Variants in VPS13B observed in about 807,000 individuals in gnomAD.
VPS13B encodes vacuolar protein sorting 13 homolog B.
In VPS13B, 285 loss-of-function variants were observed where a neutral mutation model predicts 426.4. The ratio of observed to expected loss-of-function variants is 0.67; its 90% confidence interval spans 0.61 to 0.74. VPS13B has a LOEUF of 0.74. VPS13B is among the 30% of genes least tolerant of loss of function. VPS13B has a pLI of 0.00. For missense variants in VPS13B, 4,537 were observed against 4,782.6 expected (o/e 0.95, Z 1.51); for synonymous variants, 1,676 against 1,676.4 (o/e 1.00, Z 0.01).
intron 59 of VPS13B, among the ~76,000 whole-genome samples, chr8:99,870,328 A>AT (rs1563519286): frequency 1.3e-5 from 2 of 151,828 alleles, no homozygotes; most frequent in Non-Finnish European, 2.9e-5. Context: ...ACCACTATTT[A>AT]TTTTTTGTAG....
At chr8:99,243,097 T>C (rs922065654) in intron 17 of VPS13B, among the ~76,000 whole-genome samples, 1 of 152,206 alleles carries the variant, frequency 6.6e-6, no homozygotes, top group Admixed American at 6.5e-5. Flanking sequence ...TTTTATATAA[T>C]GAGACAGGAA....
chr8:99,332,791 CT>C (rs970303459), intron 19 of VPS13B, among the ~76,000 whole-genome samples: 18 of 151,720 alleles, frequency 1.2e-4, no homozygotes, highest in Admixed American at 3.3e-4. Flanking sequence ...TCTAATAACA[CT>C]TTTTTGTCCA....
intron 40 of VPS13B, 105 bp downstream of exon 40, chr8:99,767,075 C>A: frequency 1.8e-6 from 2 of 1,111,696 alleles, no homozygotes; most frequent in South Asian, 1.3e-5. Flanking sequence ...AGCTGTCTAG[C>A]AGCTGCATCT....
chr8:99,236,081 A>G (rs981133064), intron 17 of VPS13B, among the ~76,000 whole-genome samples: 5 of 152,198 alleles, frequency 3.3e-5, no homozygotes, highest in Non-Finnish European at 4.4e-5. Flanking sequence ...CATCTCACTC[A>G]TGGTATACCA....
chr8:99,534,274 T>A (rs1823077149), intron 30 of VPS13B, among the ~76,000 whole-genome samples: 1 of 152,180 alleles, frequency 6.6e-6, no homozygotes, highest in African/African-American at 2.4e-5. Context: ...ATGAATATGG[T>A]TTCTATTTAC....
chr8:99,289,157 C>T (rs886598049), intron 19 of VPS13B, among the ~76,000 whole-genome samples: 15 of 151,796 alleles, frequency 9.9e-5, no homozygotes, highest in African/African-American at 2.2e-4. Flanking sequence ...GTTAAACCTT[C>T]GATAAAGTTG....
At chr8:99,226,993 A>G (rs1220059404) in intron 17 of VPS13B, among the ~76,000 whole-genome samples, 1 of 152,134 alleles carries the variant, frequency 6.6e-6, no homozygotes, top group Non-Finnish European at 1.5e-5. Context: ...CTTCTGTCTA[A>G]CTGTATGTTT....
chr8:99,238,738 T>A (rs1816766295), intron 17 of VPS13B, among the ~76,000 whole-genome samples: 1 of 152,146 alleles, frequency 6.6e-6, no homozygotes, highest in Admixed American at 6.5e-5. Context: ...TAGCATTACG[T>A]GCAAAACATG....
chr8:99,054,917 C>G lies in VPS13B; in HGVS notation c.291+16351C>G, dbSNP rs533861365. Among the ~76,000 whole-genome samples, 3 of 152,158 alleles carry G rather than the reference C, an allele frequency of 2.0e-5. No homozygotes were observed. In the East Asian group the frequency reaches 5.8e-4, roughly 29 times the overall value. The stretch of plus-strand genomic sequence containing the variant: ...GCTGGCCATAGGGTTTATTTCTGGA[C>G]TCAGCATTTTATTCCATTGGTTTGT... On this transcript the variant is annotated intron_variant, in intron 3 of 61. Transcript: ENST00000357162.
chr8:99,874,270 A>T (rs1041608822), intron 61 of VPS13B, among the ~76,000 whole-genome samples: 3 of 152,224 alleles, frequency 2.0e-5, no homozygotes, highest in African/African-American at 7.2e-5. Flanking sequence ...TTCTGGCCCC[A>T]TCAAATGATA....
chr8:99,746,563 C>T (rs1308825370), intron 39 of VPS13B, among the ~76,000 whole-genome samples: 1 of 152,144 alleles, frequency 6.6e-6, no homozygotes, highest in South Asian at 2.1e-4. Flanking sequence ...GTGCTTTGCT[C>T]TTCCCAAATC....
At chr8:99,462,129 T>G (rs1818870555) in intron 23 of VPS13B, among the ~76,000 whole-genome samples, 1 of 149,186 alleles carries the variant, frequency 6.7e-6, no homozygotes, top group Non-Finnish European at 1.5e-5. Context: ...CCAACTTCCT[T>G]CCTTCCTTTC....
intron 39 of VPS13B, among the ~76,000 whole-genome samples, chr8:99,740,894 GCT>G (rs1809682351): frequency 6.6e-6 from 1 of 152,072 alleles, no homozygotes; most frequent in Non-Finnish European, 1.5e-5. Flanking sequence ...GACCATCGAG[GCT>G]AGGAAGAAAC....
intron 8 of VPS13B, among the ~76,000 whole-genome samples, chr8:99,129,684 A>G (rs1337221432): frequency 1.3e-5 from 2 of 152,130 alleles, no homozygotes; most frequent in Non-Finnish European, 2.9e-5. Context: ...AGGGAAGTCA[A>G]GGATTACAAG....
rs757132990 is a variant in VPS13B at position 99,817,590 on chromosome 8, A to G, written c.8148A>G (p.Ile2716Met). The change falls in exon 45 of 62, where the codon ATA (isoleucine) becomes ATG (methionine). Residue 2716 changes from isoleucine to methionine, a missense_variant. Physicochemically the swap from Ile to Met is conservative, Grantham distance 10 (BLOSUM62 1). Around this residue, in one of 2 missense-constraint regions of VPS13B, gnomAD observed 4,311 missense variants for 4,474.3 expected, o/e 0.96. Transcript: ENST00000357162. ...QIICSYLSQSIELKVVQHYIG... is the reference protein window; with the variant it reads ...QIICSYLSQSMELKVVQHYIG... The stretch of plus-strand genomic sequence containing the variant: ...TCTGTAGTTACTTGTCTCAAAGCAT[A>G]GAACTAAAAGTCGTTCAGCATTACA... 18 of 1,614,088 alleles carry G rather than the reference A, an allele frequency of 1.1e-5. No homozygotes were observed. In the South Asian group the frequency reaches 2.0e-4, roughly 18 times the overall value.
At chr8:99,746,221 T>G (rs1810079249) in intron 39 of VPS13B, among the ~76,000 whole-genome samples, 1 of 152,082 alleles carries the variant, frequency 6.6e-6, no homozygotes, top group Admixed American at 6.6e-5. Context: ...TGAACTGGAT[T>G]TTTTGGAAAG....
intron 54 of VPS13B, 80 bp from the exon 55 acceptor site, chr8:99,848,696 A>G: frequency 7.9e-7 from 1 of 1,269,158 alleles, no homozygotes; most frequent in Non-Finnish European, 1.2e-6. Flanking sequence ...TTGAATCAGA[A>G]CTGGAGACAT....
chr8:99,112,621 C>G (rs1588050258), intron 6 of VPS13B, among the ~76,000 whole-genome samples: 1 of 152,106 alleles, frequency 6.6e-6, no homozygotes, highest in South Asian at 2.1e-4. Flanking sequence ...AGTGATGGCT[C>G]TGTCTCAGGG....
chr8:99,312,541 G>C (rs967425425), intron 19 of VPS13B, among the ~76,000 whole-genome samples: 9 of 152,238 alleles, frequency 5.9e-5, no homozygotes, highest in African/African-American at 2.2e-4. Flanking sequence ...GAGATCAGCT[G>C]TTGGTCCGAT....
Sources: gnomAD v4.1 joint callset for allele counts (sites outside exome capture counted in the v4.1 genomes callset) on GRCh38, gnomAD v4.1.1 for gene constraint, gnomAD v4.1.1 regional missense constraint, MANE v1.5 for transcripts, NCBI Gene and HGNC (gene_info 2026-07-23, HGNC 2026-07-21) for gene names.